The following MDGA2 variants were observed in gnomAD, a reference collection of about 807,000 sequenced individuals.
MDGA2 encodes the protein MAM domain-containing glycosylphosphatidylinositol anchor protein 2.
In MDGA2, 40 loss-of-function variants were observed where a neutral mutation model predicts 117.8. The ratio of observed to expected loss-of-function variants is 0.34; its 90% confidence interval spans 0.26 to 0.44. The LOEUF (loss-of-function observed/expected upper bound fraction) is 0.44. Among genes scored for constraint, MDGA2 ranks in the 20% least tolerant of loss-of-function variants. The pLI is 1.00. For synonymous variants in MDGA2, 452 were observed against 439.0 expected (o/e 1.03, Z -0.37); for missense variants, 1,123 against 1,250.6 (o/e 0.90, Z 1.54).
intron 1 of MDGA2, among the ~76,000 whole-genome samples, chr14:47,596,705 C>A (rs946737671): frequency 2.0e-5 from 3 of 152,186 alleles, no homozygotes; most frequent in Non-Finnish European, 4.4e-5. Context: ...ACAGCTAATA[C>A]TACCTAAACA....
At chr14:47,284,437 T>C (rs79158942) in intron 2 of MDGA2, among the ~76,000 whole-genome samples, 4,367 of 152,222 alleles carry the variant, frequency 0.029, 150 homozygotes, top group East Asian at 0.18. Flanking sequence ...GAGAACTGTG[T>C]GAGAGAGAAA....
chr14:47,382,085 C>G (rs879597862), intron 1 of MDGA2, among the ~76,000 whole-genome samples: 3 of 151,998 alleles, frequency 2.0e-5, no homozygotes, highest in Non-Finnish European at 4.4e-5. Context: ...ACAAACCTGA[C>G]AAAAAGAAGG....
At chr14:47,642,471 A>G (rs1279441289) in intron 1 of MDGA2, among the ~76,000 whole-genome samples, 1 of 152,064 alleles carries the variant, frequency 6.6e-6, no homozygotes, top group Non-Finnish European at 1.5e-5. Context: ...GCTTCGAGAG[A>G]GCTTTAGTTC....
At chr14:47,662,941 A>T (rs1226101939) in intron 1 of MDGA2, among the ~76,000 whole-genome samples, 1 of 152,226 alleles carries the variant, frequency 6.6e-6, no homozygotes, top group African/African-American at 2.4e-5. Context: ...TTGAGCTTTG[A>T]TTAATTGGGA....
chr14:47,449,120 A>G (rs776931402), intron 1 of MDGA2, among the ~76,000 whole-genome samples: 1 of 152,114 alleles, frequency 6.6e-6, no homozygotes, highest in Admixed American at 6.6e-5. Context: ...TTAAACTAGC[A>G]TTTTGTCTTT....
chr14:47,533,410 T>C (rs183794608), intron 1 of MDGA2, among the ~76,000 whole-genome samples: 1 of 152,314 alleles, frequency 6.6e-6, no homozygotes, highest in Admixed American at 6.5e-5. Context: ...GTATATATGT[T>C]GGGATTTATT....
At chr14:46,843,835 T>A (rs1029437247) in intron 16 of MDGA2, among the ~76,000 whole-genome samples, 2 of 152,154 alleles carry the variant, frequency 1.3e-5, no homozygotes, top group African/African-American at 4.8e-5. Context: ...ATTTTCATGC[T>A]TTTGTATGTG....
intron 8 of MDGA2, among the ~76,000 whole-genome samples, chr14:46,985,281 G>A (rs1886819867): frequency 1.3e-5 from 2 of 151,928 alleles, no homozygotes; most frequent in Admixed American, 6.6e-5. Flanking sequence ...ATAATACCTT[G>A]GCAAGGGATA....
Position 47,339,323 on chromosome 14 carries a change from ATAAT to A in MDGA2, c.281-37777_281-37774del, listed in dbSNP as rs1347907294. Among the ~76,000 whole-genome samples the A allele has an allele frequency of 3.3e-5, 5 of 152,306 alleles. No individual in the cohort carries two copies. The East Asian group carries it at 5.8e-4, about 18-fold the overall frequency. ...TTTATTTTTCTCAAGAAAAGAGAAC[ATAAT>A]TAATAAAAGTTTAAAAATAGTATTC... On this transcript the variant is annotated intron_variant, in intron 1 of 16. Coordinates refer to ENST00000399232, the MANE Select transcript of MDGA2 (RefSeq NM_001113498.3).
chr14:47,164,823 T>C (rs1417906879), intron 3 of MDGA2, among the ~76,000 whole-genome samples: 1 of 152,200 alleles, frequency 6.6e-6, no homozygotes, highest in Non-Finnish European at 1.5e-5. Context: ...GCAGCACTAT[T>C]CACAATAGCA....
chr14:47,399,081 C>A (rs1407155324), intron 1 of MDGA2, among the ~76,000 whole-genome samples: 1 of 152,056 alleles, frequency 6.6e-6, no homozygotes, highest in Non-Finnish European at 1.5e-5. Context: ...TATTTCCTCT[C>A]CAGCCAAGAA....
chr14:47,550,692 C>G (rs1895564900), intron 1 of MDGA2, among the ~76,000 whole-genome samples: 1 of 151,958 alleles, frequency 6.6e-6, no homozygotes, highest in Admixed American at 6.5e-5. Flanking sequence ...TCTTGTCTCA[C>G]TATATGAGAC....
chr14:47,573,289 C>A (rs369626692), intron 1 of MDGA2, among the ~76,000 whole-genome samples: 1 of 152,100 alleles, frequency 6.6e-6, no homozygotes, highest in Non-Finnish European at 1.5e-5. Flanking sequence ...GTTTTCCAAG[C>A]AGTTGAGTAT....
intron 1 of MDGA2, among the ~76,000 whole-genome samples, chr14:47,312,798 G>A (rs1889684482): frequency 7.0e-6 from 1 of 143,844 alleles, no homozygotes; most frequent in Admixed American, 7.2e-5. Context: ...CTGAAATGCT[G>A]GAATTTCAGG....
At chr14:46,925,370 G>A (rs1274612836) in intron 9 of MDGA2, among the ~76,000 whole-genome samples, 2 of 152,066 alleles carry the variant, frequency 1.3e-5, no homozygotes, top group African/African-American at 2.4e-5. Context: ...AGAGGCTCAC[G>A]CCTGTAATCC....
At chr14:47,214,095 G>A (rs539855114) in intron 3 of MDGA2, among the ~76,000 whole-genome samples, 1 of 152,136 alleles carries the variant, frequency 6.6e-6, no homozygotes, top group Admixed American at 6.6e-5. Flanking sequence ...GAGACCACCT[G>A]CATGATTCAA....
chr14:47,572,962 T>G (rs1328043991), intron 1 of MDGA2, among the ~76,000 whole-genome samples: 1 of 152,188 alleles, frequency 6.6e-6, no homozygotes, highest in Non-Finnish European at 1.5e-5. Flanking sequence ...TTCTTTCTAG[T>G]TCAGTGTAAA....
intron 1 of MDGA2, among the ~76,000 whole-genome samples, chr14:47,546,444 T>C (rs911150026): frequency 1.3e-5 from 2 of 152,200 alleles, no homozygotes; most frequent in African/African-American, 4.8e-5. Flanking sequence ...TACAGGTATA[T>C]GTTTACCTAC....
chr14:47,618,331 G>A (rs1682860760), intron 1 of MDGA2, among the ~76,000 whole-genome samples: 1 of 152,088 alleles, frequency 6.6e-6, no homozygotes, highest in African/African-American at 2.4e-5. Context: ...TATGAAAGTT[G>A]GTAGGCATTG....
Sources: gnomAD v4.1 joint callset for allele counts (sites outside exome capture counted in the v4.1 genomes callset) on GRCh38, gnomAD v4.1.1 for gene constraint, MANE v1.5 for transcripts, NCBI Gene and HGNC (gene_info 2026-07-23, HGNC 2026-07-21) for gene names.